NDFIP2: variants seen among roughly 807,000 people sequenced by gnomAD.
The protein encoded by NDFIP2 is NEDD4 family-interacting protein 2.
In NDFIP2, 19 loss-of-function variants were observed where a neutral mutation model predicts 36.0. The observed-to-expected ratio is 0.53, with a 90% CI of 0.37 to 0.77. NDFIP2 has a LOEUF of 0.77. Among genes scored for constraint, NDFIP2 ranks in the 30% least tolerant of loss-of-function variants. NDFIP2 has a pLI of 0.00. For synonymous variants in NDFIP2, 181 were observed against 167.7 expected (o/e 1.08, Z -0.61); for missense variants, 446 against 435.8 (o/e 1.02, Z -0.21).
chr13:79,546,988 T>A (rs1299594205), intron 5 of NDFIP2, among the ~76,000 whole-genome samples: 1 of 152,052 alleles, frequency 6.6e-6, no homozygotes, highest in Non-Finnish European at 1.5e-5. Flanking sequence ...TAGGTGTACA[T>A]GGGATTTATG....
rs530018455 is a variant in NDFIP2 at position 79,534,278 on chromosome 13, CTG to C, written c.621+825_621+826del. On this transcript the variant is annotated intron_variant, in intron 3 of 7. Coordinates refer to ENST00000218652, the MANE Select transcript of NDFIP2 (RefSeq NM_019080.3). Reference sequence around the variant, plus strand: ...TATATTAGCATAGCCAGTTTAGTGACTGTGAAAGAACTCAAGGTAGCCAAAAA... The same window carrying C: ...TATATTAGCATAGCCAGTTTAGTGACTGAAAGAACTCAAGGTAGCCAAAAA... Among the ~76,000 whole-genome samples, 15 of 149,726 alleles carry C rather than the reference CTG, an allele frequency of 1.0e-4. No homozygotes were observed. In the East Asian group the frequency reaches 1.2e-3, roughly 12 times the overall value.
chr13:79,510,570 A>G (rs1874048049), intron 1 of NDFIP2, among the ~76,000 whole-genome samples: 1 of 152,052 alleles, frequency 6.6e-6, no homozygotes, highest in Admixed American at 6.6e-5. Context: ...CAACCCCACA[A>G]TGGATTCAGA....
At chr13:79,515,925 T>C (rs1224170141) in intron 1 of NDFIP2, among the ~76,000 whole-genome samples, 1 of 147,858 alleles carries the variant, frequency 6.8e-6, no homozygotes, top group Non-Finnish European at 1.5e-5. Context: ...AGGTTTTTCT[T>C]TTTTTTTTTT....
intron 1 of NDFIP2, 35 bp from the exon 2 acceptor site, chr13:79,520,775 T>A (rs1168432967): frequency 3.2e-6 from 5 of 1,544,350 alleles, no homozygotes; most frequent in Non-Finnish European, 4.4e-6. Flanking sequence ...TAATTAGCAT[T>A]ACATTAATGT....
intron 1 of NDFIP2, among the ~76,000 whole-genome samples, chr13:79,509,315 A>G (rs1157809009): frequency 6.6e-6 from 1 of 152,170 alleles, no homozygotes; most frequent in South Asian, 2.1e-4. Context: ...ACTTCAGGTC[A>G]TAGGTGGATT....
In NDFIP2 at chr13:79,543,586, T is replaced by C. The variant is rs1341045103; in HGVS notation, c.744T>C (p.Phe248=). ...FMAFIFNWLG[F]CLSFCITNTI... ...CATTTATTTTCAACTGGCTTGGATT[T>C]TGTTTATCCTTCTGTATCACCAATA... is the stretch of plus-strand genomic sequence containing the variant. The change falls in exon 5 of 8, where the codon TTT becomes TTC. Residue 248 remains phenylalanine, a synonymous_variant. Transcript: ENST00000218652. 6.2e-7 allele frequency: 1 copy of C among 1,613,958 alleles called. No homozygotes were observed. The highest frequency in any genetic ancestry group is 1.1e-5 in the South Asian group (1 of 91,060).
intron 1 of NDFIP2, among the ~76,000 whole-genome samples, chr13:79,506,955 A>G (rs907478713): frequency 6.6e-6 from 1 of 152,148 alleles, no homozygotes; most frequent in Non-Finnish European, 1.5e-5. Context: ...AATTGGGAAA[A>G]TAGTTTATAA....
intron 1 of NDFIP2, among the ~76,000 whole-genome samples, chr13:79,504,909 A>G (rs377645693): frequency 2.6e-5 from 4 of 152,168 alleles, no homozygotes; most frequent in East Asian, 1.9e-4. Flanking sequence ...GTTTTATTCT[A>G]TGAGTTATAA....
rs548758177 is a variant in NDFIP2, at chr13:79,520,882, A to G, written c.394A>G (p.Ile132Val). The change falls in exon 2 of 8, where the codon ATT becomes GTT. Residue 132 changes from isoleucine (I) to valine (V), a missense_variant. Transcript: ENST00000218652. The stretch of plus-strand genomic sequence containing the variant: ...ACCTACTTCAAACCCAGCACCGCAG[A>G]TTGTGCAGGCTGCGTCTTCAGCACC... ...QPPTSNPAPQ[I>V]VQAASSAPAL... 8.1e-6 allele frequency: 13 copies of G among 1,613,884 alleles called. No individual in the cohort carries two copies. In the African/African-American group the frequency reaches 1.5e-4, roughly 18 times the overall value.
chr13:79,499,656 A>G (rs1873579471), intron 1 of NDFIP2, among the ~76,000 whole-genome samples: 1 of 151,958 alleles, frequency 6.6e-6, no homozygotes, highest in African/African-American at 2.4e-5. Context: ...ATACTTAAGT[A>G]TAAATCTAAC....
At chr13:79,499,391 G>A (rs1873569294) in intron 1 of NDFIP2, among the ~76,000 whole-genome samples, 1 of 151,780 alleles carries the variant, frequency 6.6e-6, no homozygotes. Context: ...AATATGACAA[G>A]GAAGGAAATA....
chr13:79,507,079 T>A (rs1003555407), intron 1 of NDFIP2, among the ~76,000 whole-genome samples: 8 of 152,176 alleles, frequency 5.3e-5, no homozygotes, highest in Admixed American at 5.2e-4. Context: ...TTTTGTCATC[T>A]CTTTCTTCAG....
At chr13:79,493,474 A>T (rs982297831) in intron 1 of NDFIP2, among the ~76,000 whole-genome samples, 1 of 152,198 alleles carries the variant, frequency 6.6e-6, no homozygotes, top group Non-Finnish European at 1.5e-5. Context: ...GATAGTAACC[A>T]TGGTTAGGTT....
chr13:79,528,286 A>G (rs1445328307), intron 2 of NDFIP2, among the ~76,000 whole-genome samples: 1 of 152,168 alleles, frequency 6.6e-6, no homozygotes, highest in Non-Finnish European at 1.5e-5. Context: ...TTTAAAAAAT[A>G]GAAAAAAGAT....
intron 4 of NDFIP2, 105 bp downstream of exon 4, chr13:79,539,880 C>A: frequency 1.2e-6 from 1 of 858,826 alleles, no homozygotes; most frequent in Non-Finnish European, 1.9e-6. Flanking sequence ...ATATGTCTAC[C>A]TTTCTTAAAA....
At chr13:79,549,365 A>G (rs979359509) in intron 6 of NDFIP2, among the ~76,000 whole-genome samples, 1 of 151,966 alleles carries the variant, frequency 6.6e-6, no homozygotes, top group Non-Finnish European at 1.5e-5. Flanking sequence ...GAAGGTTTAT[A>G]AAGTCTATTA....
At chr13:79,545,004 G>A (rs897984825) in intron 5 of NDFIP2, among the ~76,000 whole-genome samples, 1 of 151,986 alleles carries the variant, frequency 6.6e-6, no homozygotes, top group African/African-American at 2.4e-5. Flanking sequence ...CCTAACACAA[G>A]TATAAATCTA....
chr13:79,547,701 T>C (rs143115541), intron 5 of NDFIP2, among the ~76,000 whole-genome samples: 3 of 152,250 alleles, frequency 2.0e-5, no homozygotes, highest in East Asian at 1.9e-4. Context: ...TGGCCACTAA[T>C]AGGAACTGTT....
chr13:79,513,510 TA>T (rs1330668447), intron 1 of NDFIP2, among the ~76,000 whole-genome samples: 1 of 152,160 alleles, frequency 6.6e-6, no homozygotes, highest in Non-Finnish European at 1.5e-5. Context: ...AACATATAGA[TA>T]TTAATGACAT....
Sources: gnomAD v4.1 joint callset for allele counts (sites outside exome capture counted in the v4.1 genomes callset) on GRCh38, gnomAD v4.1.1 for gene constraint, MANE v1.5 for transcripts, NCBI Gene and HGNC (gene_info 2026-07-23, HGNC 2026-07-21) for gene names.